TTC29: variants seen among roughly 807,000 people sequenced by gnomAD.
TTC29 encodes the protein tetratricopeptide repeat protein 29.
In TTC29, 49 loss-of-function variants were observed where a neutral mutation model predicts 58.1. That is an observed-to-expected ratio of 0.84 (90% CI 0.67 to 1.07). TTC29 has a LOEUF of 1.07. Among genes scored for constraint, TTC29 ranks in the 50% least tolerant of loss-of-function variants. TTC29 has a pLI of 0.00. For missense variants in TTC29, 582 were observed against 555.6 expected (o/e 1.05, Z -0.48); for synonymous variants, 209 against 196.8 (o/e 1.06, Z -0.52).
At chr4:146,829,058 T>G (rs1385168761) in intron 9 of TTC29, among the ~76,000 whole-genome samples, 1 of 152,354 alleles carries the variant, frequency 6.6e-6, no homozygotes, top group East Asian at 1.9e-4. Context: ...CAGTTTTCTA[T>G]ATGCAGTGCA....
intron 11 of TTC29, among the ~76,000 whole-genome samples, chr4:146,752,761 A>C (rs1746117173): frequency 6.6e-6 from 1 of 152,206 alleles, no homozygotes; most frequent in South Asian, 2.1e-4. Flanking sequence ...ATCTACAACT[A>C]TCTGATCTTT....
At chr4:146,938,534 C>T (rs1736062944) in intron 3 of TTC29, among the ~76,000 whole-genome samples, 1 of 151,996 alleles carries the variant, frequency 6.6e-6, no homozygotes, top group Non-Finnish European at 1.5e-5. Flanking sequence ...CTTTTTCAGA[C>T]TTCATAAATA....
chr4:146,862,701 A>G lies in TTC29; in HGVS notation c.885+4797T>C, dbSNP rs531454573. Among the ~76,000 whole-genome samples the G allele has an allele frequency of 4.1e-4, 62 of 152,296 alleles. 2 individuals carry two copies. The South Asian group carries it at 0.012, about 30-fold the overall frequency. On this transcript the variant is annotated intron_variant, in intron 8 of 12. Coordinates refer to ENST00000325106, the MANE Select transcript of TTC29 (RefSeq NM_031956.4). ...ATATTCTGTCAAAATGTAGGCTCTG[A>G]AGAAAGTCCCAGGCTTTTCCCAACT...
chr4:146,940,997 G>T (rs1394891402), intron 2 of TTC29, among the ~76,000 whole-genome samples: 2 of 152,118 alleles, frequency 1.3e-5, no homozygotes, highest in East Asian at 3.9e-4. Flanking sequence ...GCCCTTTTTG[G>T]AAAATGCAGT....
intron 4 of TTC29, among the ~76,000 whole-genome samples, chr4:146,929,390 C>CGCATAAAACTTAAAACTTTACAGT (rs1320292671): frequency 6.6e-6 from 1 of 151,630 alleles, no homozygotes; most frequent in Non-Finnish European, 1.5e-5. Context: ...TTCACAGTGG[C>CGCATAAAACTTAAAACTTTACAGT]CAATTATTTT....
chr4:146,790,758 G>A (rs964853980), intron 11 of TTC29, among the ~76,000 whole-genome samples: 3 of 152,158 alleles, frequency 2.0e-5, no homozygotes, highest in African/African-American at 7.2e-5. Flanking sequence ...ATCAGAAGCT[G>A]GGACTTGCTA....
intron 6 of TTC29, among the ~76,000 whole-genome samples, chr4:146,884,763 A>G (rs1352112249): frequency 6.6e-6 from 1 of 152,078 alleles, no homozygotes; most frequent in Non-Finnish European, 1.5e-5. Context: ...AAACCTACAG[A>G]GAGCTTTGGT....
At chr4:146,880,134 T>G (rs1731528698) in intron 6 of TTC29, among the ~76,000 whole-genome samples, 1 of 152,102 alleles carries the variant, frequency 6.6e-6, no homozygotes, top group African/African-American at 2.4e-5. Context: ...GGGATTGCCC[T>G]CCACAAATAC....
chr4:146,895,567 G>A (rs1275673100), intron 6 of TTC29, among the ~76,000 whole-genome samples: 1 of 152,146 alleles, frequency 6.6e-6, no homozygotes, highest in East Asian at 1.9e-4. Context: ...TGAACTCTAT[G>A]AGGAAGCTCA....
At chr4:146,930,532 C>G (rs1560730468) in intron 4 of TTC29, among the ~76,000 whole-genome samples, 1 of 152,174 alleles carries the variant, frequency 6.6e-6, no homozygotes, top group East Asian at 1.9e-4. Flanking sequence ...TACAACATCT[C>G]CAATTTCCAA....
At chr4:146,746,198 G>A (rs1745535256) in intron 11 of TTC29, among the ~76,000 whole-genome samples, 1 of 152,068 alleles carries the variant, frequency 6.6e-6, no homozygotes, top group African/African-American at 2.4e-5. Flanking sequence ...AGTAGTCACA[G>A]CATTATTACA....
intron 11 of TTC29, among the ~76,000 whole-genome samples, chr4:146,746,783 G>A (rs1745582161): frequency 4.6e-5 from 7 of 152,074 alleles, no homozygotes; most frequent in Admixed American, 4.6e-4. Context: ...TAAATTTAGG[G>A]TTCTGGGAGA....
rs1409443970 is a variant in TTC29, at chr4:146,867,516, T to C, written c.867A>G (p.Glu289=). The change falls in exon 8 of 13, where the codon GAA becomes GAG. Residue 289 remains glutamate, a synonymous_variant. Transcript: ENST00000325106. ...AGCTTACTGTTAATGCTGTTTCATA[T>C]TCCTCAGCAGCTAAGTGTGCTAAGC... The part of the protein sequence containing the change: ...YLGLAHLAAE[E]YETALTVLDT... 2 of 1,538,286 alleles carry C rather than the reference T, an allele frequency of 1.3e-6. No individual in the cohort carries two copies. The highest frequency in any genetic ancestry group is 2.6e-5 in the South Asian group (2 of 77,976).
chr4:146,727,227 C>A (rs7690831), intron 11 of TTC29, among the ~76,000 whole-genome samples: 1 of 151,978 alleles, frequency 6.6e-6, no homozygotes, highest in Non-Finnish European at 1.5e-5. Context: ...AGAGCAGTTT[C>A]GGTTTACAGC....
intron 6 of TTC29, among the ~76,000 whole-genome samples, chr4:146,887,155 T>A (rs1023760743): frequency 2.6e-5 from 4 of 152,168 alleles, no homozygotes; most frequent in African/African-American, 4.8e-5. Flanking sequence ...TTTGTGCCTA[T>A]AGATAATAAT....
At chr4:146,790,992 T>C (rs935832729) in intron 11 of TTC29, among the ~76,000 whole-genome samples, 2 of 152,258 alleles carry the variant, frequency 1.3e-5, no homozygotes, top group Non-Finnish European at 2.9e-5. Context: ...CAGCTACTTC[T>C]TTTGTATCCC....
chr4:146,941,256 C>T (rs1424819970), intron 2 of TTC29, among the ~76,000 whole-genome samples: 1 of 152,196 alleles, frequency 6.6e-6, no homozygotes. Flanking sequence ...CTTAGCTTCA[C>T]CAAGAAGCTG....
At chr4:146,741,682 G>T (rs553150873) in intron 11 of TTC29, among the ~76,000 whole-genome samples, 1 of 152,042 alleles carries the variant, frequency 6.6e-6, no homozygotes, top group African/African-American at 2.4e-5. Context: ...AGAATCTCTG[G>T]CCATATTCCT....
At chr4:146,761,030 T>G (rs1486949112) in intron 11 of TTC29, among the ~76,000 whole-genome samples, 2 of 151,740 alleles carry the variant, frequency 1.3e-5, no homozygotes, top group Non-Finnish European at 2.9e-5. Context: ...CACTGATATG[T>G]GGGAGCTAAG....
Sources: gnomAD v4.1 joint callset for allele counts (sites outside exome capture counted in the v4.1 genomes callset) on GRCh38, gnomAD v4.1.1 for gene constraint, MANE v1.5 for transcripts, NCBI Gene and HGNC (gene_info 2026-07-23, HGNC 2026-07-21) for gene names.